The following NT5DC3 variants were observed in gnomAD, a reference collection of about 807,000 sequenced individuals.
NT5DC3 encodes the protein 5'-nucleotidase domain containing 3, also known as 5'-nucleotidase domain-containing protein 3.
In NT5DC3, 42 loss-of-function variants were observed where a neutral mutation model predicts 67.8. That is an observed-to-expected ratio of 0.62 (90% CI 0.48 to 0.80). NT5DC3 has a LOEUF of 0.80. NT5DC3 is among the 30% of genes least tolerant of loss of function. The pLI is 0.00. For synonymous variants in NT5DC3, 237 were observed against 255.6 expected, an observed-to-expected ratio of 0.93 and a Z score of 0.69; for missense variants, 570 against 696.4, an observed-to-expected ratio of 0.82 and a Z score of 2.04.
At chr12:103,778,132 T>C in intron 13 of NT5DC3, 51 bp from the exon 14 acceptor site, 1 of 1,535,978 alleles carries the variant, frequency 6.5e-7, no homozygotes, top group East Asian at 2.3e-5. Context: ...CAAAAATCCT[T>C]GTTTTTAAAC....
the NT5DC3 span, among the ~76,000 whole-genome samples, chr12:103,752,420 A>T: frequency 1.3e-5 from 2 of 152,206 alleles, no homozygotes; most frequent in Non-Finnish European, 2.9e-5. Flanking sequence ...TGTAGAAAGT[A>T]TCATTTTTGT....
At chr12:103,806,468 A>G in intron 3 of NT5DC3, 91 bp from the exon 4 acceptor site, 1 of 892,126 alleles carries the variant, frequency 1.1e-6, no homozygotes, top group East Asian at 2.5e-5. Context: ...TATCCTATCA[A>G]CATTAGGCTG....
intron 12 of NT5DC3, among the ~76,000 whole-genome samples, chr12:103,784,925 T>C (rs1051664086): frequency 3.9e-5 from 6 of 152,220 alleles, no homozygotes; most frequent in African/African-American, 1.4e-4. Context: ...CAGTAAGCCA[T>C]GGTGCCTAGA....
chr12:103,839,869 G>A (rs1441364925), intron 1 of NT5DC3, among the ~76,000 whole-genome samples: 2 of 151,818 alleles, frequency 1.3e-5, no homozygotes, highest in Non-Finnish European at 2.9e-5. Context: ...CTGACTTCTG[G>A]CCAAAAAAAA....
intron 13 of NT5DC3, among the ~76,000 whole-genome samples, chr12:103,778,364 C>G (rs759929169): frequency 6.6e-6 from 1 of 151,984 alleles, no homozygotes; most frequent in South Asian, 2.1e-4. Flanking sequence ...AACCCCGTCT[C>G]TATTAAAAAT....
chr12:103,771,151 A>G (rs1281697239), downstream of NT5DC3: 2 of 152,232 alleles, frequency 1.3e-5, no homozygotes, highest in East Asian at 3.8e-4. Flanking sequence ...GTGTGTCTAT[A>G]TAATCTTCAT....
rs551034065 is a variant in NT5DC3 at position 103,825,694 on chromosome 12, G to A, written c.209-10573C>T. On this transcript the variant is annotated intron_variant, in intron 1 of 13. Transcript: ENST00000392876. ...GGAGGCTGAGATAGAAGGATCCCTTGAGCCCAGGAGTTCAAGGCTGCAATG... is the reference window on the plus strand; with the variant it reads ...GGAGGCTGAGATAGAAGGATCCCTTAAGCCCAGGAGTTCAAGGCTGCAATG... 2.4e-4 allele frequency among the ~76,000 whole-genome samples: 36 copies of A among 152,216 alleles called. 1 individual carries two copies. Among genetic ancestry groups the A allele is most frequent in the Admixed American group, 1.1e-3 (17 of 15,278 alleles).
Position 103,780,297 on chromosome 12 carries a change from T to C in NT5DC3, c.1394+3A>G. 2 of 1,613,516 alleles carry C rather than the reference T, an allele frequency of 1.2e-6. No individual in the cohort carries two copies. Among genetic ancestry groups the C allele is most frequent in the Non-Finnish European group, 1.7e-6 (2 of 1,179,416 alleles). On this transcript the variant is annotated splice_donor_region_variant and intron_variant, in intron 13 of 13. Coordinates refer to ENST00000392876, the MANE Select transcript of NT5DC3 (RefSeq NM_001031701.3). ...GCGCACATTCAATACAGGCCTCTCT[T>C]ACCGCATCTCCTTCCTTTCCTTTTT...
At chr12:103,789,385 C>G (rs896648721) in intron 9 of NT5DC3, among the ~76,000 whole-genome samples, 5 of 152,210 alleles carry the variant, frequency 3.3e-5, no homozygotes, top group African/African-American at 1.2e-4. Flanking sequence ...GATTGTGCCA[C>G]TGCACTTCAG....
chr12:103,759,524 T>A, the NT5DC3 span, among the ~76,000 whole-genome samples: 914 of 152,330 alleles, frequency 6.0e-3, 2 homozygotes, highest in African/African-American at 0.021. Flanking sequence ...AAGCTGATTC[T>A]CCGCCTTCAT....
At chr12:103,803,236 GA>G (rs147501973) in intron 4 of NT5DC3, among the ~76,000 whole-genome samples, 14,418 of 152,134 alleles carry the variant, frequency 0.095, 952 homozygotes, top group East Asian at 0.29. Flanking sequence ...GAGGTTTAGA[GA>G]AAGAAAAACT....
chr12:103,758,236 T>C, the NT5DC3 span: 11 of 1,614,124 alleles, frequency 6.8e-6, no homozygotes, highest in Non-Finnish European at 8.5e-6. Flanking sequence ...GACTGACCTG[T>C]CCATCCGCGG....
chr12:103,839,423 A>AT (rs1390544699), intron 1 of NT5DC3, among the ~76,000 whole-genome samples: 6 of 152,008 alleles, frequency 3.9e-5, no homozygotes, highest in Non-Finnish European at 5.9e-5. Flanking sequence ...TAAATTTTGC[A>AT]TTTTTTTGTA....
chr12:103,754,329 A>C, the NT5DC3 span, among the ~76,000 whole-genome samples: 2 of 152,110 alleles, frequency 1.3e-5, no homozygotes, highest in Non-Finnish European at 2.9e-5. Flanking sequence ...TCAATTTTTA[A>C]GATTATTAAA....
At position 103,831,871 on chromosome 12, in the gene NT5DC3, G is replaced by A. The variant is rs540810885; in HGVS notation, c.208+9078C>T. Reference sequence around the variant, plus strand: ...GCTCACTGCAACCTTCACTTCCCGGGTTCAAGCCAATTCTCACGCCTCAGC... The same window carrying A: ...GCTCACTGCAACCTTCACTTCCCGGATTCAAGCCAATTCTCACGCCTCAGC... On this transcript the variant is annotated intron_variant, in intron 1 of 13. Transcript: ENST00000392876. Among the ~76,000 whole-genome samples the A allele has an allele frequency of 3.9e-4, 58 of 150,464 alleles. 1 individual carries two copies. Among genetic ancestry groups the A allele is most frequent in the Admixed American group, 1.9e-3 (28 of 15,046 alleles).
chr12:103,758,376 C>A, the NT5DC3 span: 1 of 1,579,964 alleles, frequency 6.3e-7, no homozygotes, highest in Non-Finnish European at 8.6e-7. Context: ...CCTGAAAACT[C>A]AGTGGCTACA....
intron 1 of NT5DC3, among the ~76,000 whole-genome samples, chr12:103,829,886 A>G (rs570158687): frequency 3.0e-4 from 20 of 67,442 alleles, no homozygotes; most frequent in South Asian, 4.7e-4. Context: ...TTTTAATCAG[A>G]AAAAAAAAAA....
At chr12:103,830,661 C>T (rs1046064267) in intron 1 of NT5DC3, among the ~76,000 whole-genome samples, 4 of 152,136 alleles carry the variant, frequency 2.6e-5, no homozygotes, top group Non-Finnish European at 5.9e-5. Context: ...TAAAATCATT[C>T]CACTAAACTT....
chr12:103,757,029 AT>A, the NT5DC3 span, among the ~76,000 whole-genome samples: 12 of 144,178 alleles, frequency 8.3e-5, no homozygotes, highest in Admixed American at 1.4e-4. Flanking sequence ...ATATATATAT[AT>A]AAAATATATA....
Sources: gnomAD v4.1 joint callset for allele counts (sites outside exome capture counted in the v4.1 genomes callset) on GRCh38, gnomAD v4.1.1 for gene constraint, MANE v1.5 for transcripts, NCBI Gene and HGNC (gene_info 2026-07-23, HGNC 2026-07-21) for gene names.